Variants in LCOR observed in about 807,000 individuals in gnomAD.
LCOR encodes the protein ligand dependent nuclear receptor corepressor.
LCOR carries 14 observed loss-of-function variants against 64.4 expected under a neutral mutation model. The ratio of observed to expected loss-of-function variants is 0.22; its 90% CI spans 0.14 to 0.34. The LOEUF is 0.34. Among genes scored for constraint, LCOR ranks in the 10% least tolerant of loss-of-function variants. The pLI is 1.00. For synonymous variants in LCOR, 643 were observed against 642.5 expected, an observed-to-expected ratio of 1.00 and a Z score of -0.01; for missense variants, 1,686 against 1,765.3, an observed-to-expected ratio of 0.96 and a Z score of 0.80.
chr10:96,967,349 T>C (rs1278124390), intron 7 of LCOR, among the ~76,000 whole-genome samples: 1 of 152,192 alleles, frequency 6.6e-6, no homozygotes, highest in Non-Finnish European at 1.5e-5. Flanking sequence ...CCTGCCTGTT[T>C]TGGAACTCCT....
chr10:96,861,032 A>G (rs1845879242), intron 2 of LCOR, among the ~76,000 whole-genome samples: 1 of 152,220 alleles, frequency 6.6e-6, no homozygotes, highest in African/African-American at 2.4e-5. Flanking sequence ...GTTCATTTTC[A>G]GCAAACAGAG....
rs67974828 is a variant in LCOR at position 96,849,061 on chromosome 10, C to CTT, written c.-330+15611_-330+15612dup. On this transcript the variant is annotated intron_variant, in intron 2 of 7. Coordinates refer to ENST00000421806, the MANE Select transcript of LCOR (RefSeq NM_001346516.2). ...TCCTCTCTGTCACCTGGCTAATTGT[C>CTT]TTTTTTTTTTTTTTTTTTTTTTTTT... 5.3e-4 allele frequency among the ~76,000 whole-genome samples: 18 copies of CTT among 33,838 alleles called. 2 individuals are homozygous for CTT. Among genetic ancestry groups the CTT allele is most frequent in the Admixed American group, 1.2e-3 (2 of 1,686 alleles). The allele number at this position is 33,838 out of a possible 152,430, so 22.2% of individuals were successfully genotyped here. A position where few individuals can be genotyped will look rare whatever the true frequency, so the allele number is the denominator to read the frequency against.
intron 1 of LCOR, chr10:96,833,000 T>C: frequency 2.0e-6 from 2 of 984,458 alleles, no homozygotes; most frequent in Non-Finnish European, 2.4e-6. Context: ...GCTGGAGCTG[T>C]CACAGTCCCC....
At chr10:96,835,494 A>C (rs1845427292) in intron 2 of LCOR, among the ~76,000 whole-genome samples, 1 of 152,134 alleles carries the variant, frequency 6.6e-6, no homozygotes, top group South Asian at 2.1e-4. Context: ...TTTGTTTTTT[A>C]AGAGGAGAGT....
At position 96,945,111 on chromosome 10, in the gene LCOR, A is replaced by G. The variant is rs1253861243; in HGVS notation, c.-51+866A>G. Among the ~76,000 whole-genome samples, 3 of 152,312 alleles carry G rather than the reference A, an allele frequency of 2.0e-5. No homozygotes were observed. The East Asian group carries it at 5.8e-4, about 29-fold the overall frequency. On this transcript the variant is annotated intron_variant, in intron 5 of 7. Coordinates refer to ENST00000421806, the MANE Select transcript of LCOR (RefSeq NM_001346516.2). ...GATGGGTTCTAAAAAAGTTTCATAC[A>G]AACTCTTGATAATCTTAAATATTCT...
At chr10:96,899,853 C>T (rs534332855) in intron 2 of LCOR, among the ~76,000 whole-genome samples, 66 of 152,142 alleles carry the variant, frequency 4.3e-4, no homozygotes, top group Non-Finnish European at 7.5e-4. Flanking sequence ...CTCTAATAGG[C>T]CAGATTTTCT....
At chr10:96,873,628 G>A (rs919137969) in intron 2 of LCOR, among the ~76,000 whole-genome samples, 1 of 133,298 alleles carries the variant, frequency 7.5e-6, no homozygotes, top group Non-Finnish European at 1.6e-5. Context: ...TTTGAGACAG[G>A]GTCTCCCTCT....
chr10:96,873,510 C>T (rs1191583408), intron 2 of LCOR, among the ~76,000 whole-genome samples: 2 of 149,248 alleles, frequency 1.3e-5, no homozygotes, highest in Non-Finnish European at 3.0e-5. Context: ...TAAATCGATT[C>T]TATATTTGAA....
In LCOR at chr10:96,931,405, T is replaced by G. The variant is rs565936118; in HGVS notation, c.-183-12708T>G. 2.0e-5 allele frequency among the ~76,000 whole-genome samples: 3 copies of G among 152,132 alleles called. No homozygotes were observed. In the East Asian group the frequency reaches 5.8e-4, roughly 29 times the overall value. ...CACACTACCATGCCTGGGTAGTTTT[T>G]TTGTATTTTTGGTAGAGATGGGGTT... is the stretch of plus-strand genomic sequence containing the variant. On this transcript the variant is annotated intron_variant, in intron 4 of 7. Transcript: ENST00000421806.
intron 2 of LCOR, among the ~76,000 whole-genome samples, chr10:96,851,027 A>G (rs1051441001): frequency 6.6e-6 from 1 of 152,258 alleles, no homozygotes; most frequent in African/African-American, 2.4e-5. Context: ...AACTTGATGT[A>G]ATAGGCAAAA....
At chr10:96,876,578 ATATAT>A (rs1846167776) in intron 2 of LCOR, among the ~76,000 whole-genome samples, 4 of 152,262 alleles carry the variant, frequency 2.6e-5, no homozygotes, top group Admixed American at 2.6e-4. Context: ...ACTTTCTGCC[ATATAT>A]TAGAATGAAC....
intron 4 of LCOR, among the ~76,000 whole-genome samples, chr10:96,917,132 C>T (rs1359282837): frequency 6.6e-6 from 1 of 152,084 alleles, no homozygotes; most frequent in East Asian, 1.9e-4. Context: ...TATTTTTTGT[C>T]TCCCAGTTCG....
At chr10:96,941,194 C>T (rs1383922922) in intron 4 of LCOR, among the ~76,000 whole-genome samples, 2 of 138,820 alleles carry the variant, frequency 1.4e-5, no homozygotes, top group East Asian at 2.1e-4. Context: ...GGGGGCTGAC[C>T]CCCCCACCTC....
intron 2 of LCOR, among the ~76,000 whole-genome samples, chr10:96,869,500 C>A (rs559068276): frequency 2.2e-4 from 33 of 152,186 alleles, no homozygotes; most frequent in African/African-American, 7.5e-4. Flanking sequence ...CAGGTATGAG[C>A]CATCGTACCT....
chr10:96,869,511 G>A (rs2134403540), intron 2 of LCOR, among the ~76,000 whole-genome samples: 1 of 151,724 alleles, frequency 6.6e-6, no homozygotes, highest in Non-Finnish European at 1.5e-5. Context: ...CATCGTACCT[G>A]GCCTAAGTTT....
At chr10:96,927,061 G>A (rs1269344077) in intron 4 of LCOR, among the ~76,000 whole-genome samples, 2 of 152,062 alleles carry the variant, frequency 1.3e-5, no homozygotes, top group African/African-American at 4.8e-5. Flanking sequence ...GAGTGGTATT[G>A]TAAATATATG....
rs531265571 is a variant in LCOR, at chr10:96,916,270, A to T, written c.-184+8523A>T. On this transcript the variant is annotated intron_variant, in intron 4 of 7. Coordinates refer to ENST00000421806, the MANE Select transcript of LCOR (RefSeq NM_001346516.2). ...ATGGTCTCAGTCTCCTGACCTCGTG[A>T]TCCGCCCACCTCGGCCTCCCAAAGT... 2.0e-5 allele frequency among the ~76,000 whole-genome samples: 3 copies of T among 152,164 alleles called. No individual in the cohort carries two copies. The South Asian group carries it at 6.2e-4, about 32-fold the overall frequency.
chr10:96,855,338 G>A (rs1002386807), intron 2 of LCOR, among the ~76,000 whole-genome samples: 1 of 147,194 alleles, frequency 6.8e-6, no homozygotes, highest in Non-Finnish European at 1.5e-5. Flanking sequence ...TACTCGAGCC[G>A]ATAATTACCT....
In LCOR at chr10:96,995,803, C is replaced by T. The variant is rs543037599; in HGVS notation, c.*10669C>T. On this transcript the variant is annotated 3_prime_UTR_variant, in exon 8 of 8. Coordinates refer to ENST00000421806, the MANE Select transcript of LCOR (RefSeq NM_001346516.2). The surrounding 1 kb of genome is among the most constrained non-coding windows in gnomAD (Gnocchi z 4.2). ...TGAAATCCAAGCTTGGAAGGATGTC[C>T]TGTGTTGTTTCAGATTCTCTTGTTT... 3.1e-4 allele frequency: 47 copies of T among 152,288 alleles called. 1 individual carries two copies. Among genetic ancestry groups the T allele is most frequent in the African/African-American group, 9.9e-4 (41 of 41,552 alleles). 9.4% of individuals were successfully genotyped at this position (152,288 alleles called of 1,614,324 possible).
Sources: allele counts gnomAD v4.1 joint callset (sites outside exome capture counted in the v4.1 genomes callset), GRCh38; gene constraint gnomAD v4.1.1; non-coding constraint Gnocchi (gnomAD v3.1); transcripts MANE v1.5; gene names NCBI Gene and HGNC (gene_info 2026-07-23, HGNC 2026-07-21).